Variants in MSH4 observed in about 807,000 individuals in gnomAD.
MSH4 encodes mutS homolog 4, also known as mutS protein homolog 4.
A neutral mutation model predicts 113.7 loss-of-function variants in MSH4; 106 were observed. That is an observed-to-expected ratio of 0.93 (90% CI 0.80 to 1.10). The LOEUF (loss-of-function observed/expected upper bound fraction) is 1.10. Among genes scored for constraint, MSH4 ranks in the 50% least tolerant of loss-of-function variants. The probability of loss-of-function intolerance (pLI) is 0.00; values close to 1 mark genes in which losing one functional copy is unlikely to be tolerated. For missense variants in MSH4, 1,061 were observed against 1,093.7 expected (o/e 0.97, Z 0.42); for synonymous variants, 368 against 380.2 (o/e 0.97, Z 0.37).
At position 75,801,455 on chromosome 1, in the gene MSH4, C is replaced by A. The variant is rs542404164; in HGVS notation, c.245-2276C>A. The stretch of plus-strand genomic sequence containing the variant: ...GTGGTGGGCATGCCTATAATGCCAG[C>A]TGCTTGGGAGGCTGAGGCAGGAGGA... On this transcript the variant is annotated intron_variant, in intron 1 of 19. Transcript: ENST00000263187. Among the ~76,000 whole-genome samples the A allele has an allele frequency of 5.3e-5, 8 of 151,408 alleles. No homozygotes were observed. In the South Asian group the frequency reaches 1.7e-3, roughly 32 times the overall value.
chr1:75,912,668 ATATATAT>A, intron 19 of MSH4, 21 bp from the exon 20 acceptor site: 1 of 1,237,362 alleles, frequency 8.1e-7, no homozygotes, highest in Non-Finnish European at 1.0e-6. Context: ...GTGTATATAT[ATATATAT>A]TTTTTTTTTT....
intron 8 of MSH4, among the ~76,000 whole-genome samples, chr1:75,848,576 A>G (rs1651123355): frequency 6.6e-6 from 1 of 152,156 alleles, no homozygotes; most frequent in African/African-American, 2.4e-5. Context: ...CATCTCTACA[A>G]AGGATCAAAA....
At chr1:75,811,816 G>A (rs912498536) in intron 4 of MSH4, among the ~76,000 whole-genome samples, 3 of 152,162 alleles carry the variant, frequency 2.0e-5, no homozygotes, top group Non-Finnish European at 2.9e-5. Context: ...ACCAAGCTGA[G>A]GTTTGGAGTC....
intron 12 of MSH4, 114 bp downstream of exon 12, chr1:75,879,242 CTCCTAT>C (rs1335708747): frequency 1.1e-6 from 1 of 881,338 alleles, no homozygotes; most frequent in Non-Finnish European, 1.8e-6. Context: ...TCTGTATCTT[CTCCTAT>C]TCCTACCCAC....
intron 14 of MSH4, 57 bp downstream of exon 14, chr1:75,881,427 AAC>A: frequency 6.4e-7 from 1 of 1,552,786 alleles, no homozygotes; most frequent in South Asian, 1.1e-5. Flanking sequence ...ATTCGATTCA[AAC>A]AATTTGATAT....
At position 75,913,092 on chromosome 1, in the gene MSH4, T is replaced by G. The variant is rs1652824130; in HGVS notation, c.*205T>G. The G allele has an allele frequency of 3.7e-6, 1 of 272,524 alleles. No homozygotes were observed. The highest frequency in any genetic ancestry group is 2.2e-5 in the African/African-American group (1 of 45,512). The allele number at this position is 272,524 out of a possible 1,614,324, so 16.9% of individuals were successfully genotyped here. ...ATGAGAACTACTTAAAGGAATGGTTTTTATGTTAGGAGAAAATACAATACA... is the reference window on the plus strand; with the variant it reads ...ATGAGAACTACTTAAAGGAATGGTTGTTATGTTAGGAGAAAATACAATACA... On this transcript the variant is annotated 3_prime_UTR_variant, in exon 20 of 20. Coordinates refer to ENST00000263187, the MANE Select transcript of MSH4 (RefSeq NM_002440.4).
chr1:75,870,707 G>T lies in MSH4; in HGVS notation c.1305+3119G>T, dbSNP rs561645850. The stretch of plus-strand genomic sequence containing the variant: ...ATTGTGAGGCCTCCCCAGCCATGTG[G>T]AATTGTGAGTCAATTAAACCTTTTT... On this transcript the variant is annotated intron_variant, in intron 9 of 19. Transcript: ENST00000263187. 6.8e-4 allele frequency among the ~76,000 whole-genome samples: 103 copies of T among 152,270 alleles called. No individual in the cohort carries two copies. In the East Asian group the frequency reaches 7.3e-3, roughly 11 times the overall value.
At chr1:75,903,595 A>G (rs1190199302) in intron 19 of MSH4, among the ~76,000 whole-genome samples, 1 of 152,038 alleles carries the variant, frequency 6.6e-6, no homozygotes, top group Non-Finnish European at 1.5e-5. Context: ...ATTGTATTGA[A>G]TCTATAGATT....
chr1:75,877,095 A>G (rs1297379894), intron 10 of MSH4, 95 bp downstream of exon 10: 2 of 726,082 alleles, frequency 2.8e-6, no homozygotes, highest in African/African-American at 1.8e-5. Context: ...CTATGGAACA[A>G]TTACTTGAGT....
chr1:75,863,218 T>C (rs1651496942), intron 8 of MSH4, among the ~76,000 whole-genome samples: 1 of 152,176 alleles, frequency 6.6e-6, no homozygotes, highest in South Asian at 2.1e-4. Context: ...TGCTAAAATA[T>C]AATAAGAATT....
Position 75,816,556 on chromosome 1 carries a change from T to A in MSH4, c.989+10T>A, listed in dbSNP as rs1270759235. 4 of 1,475,234 alleles carry A rather than the reference T, an allele frequency of 2.7e-6. No individual in the cohort carries two copies. Among genetic ancestry groups the A allele is most frequent in the Non-Finnish European group, 3.7e-6 (4 of 1,088,808 alleles). 91.4% of individuals were successfully genotyped at this position (1,475,234 alleles called of 1,614,324 possible). On this transcript the variant is annotated intron_variant, in intron 6 of 19. Coordinates refer to ENST00000263187, the MANE Select transcript of MSH4 (RefSeq NM_002440.4). ...ATAATCAAGACTATAGGTAAGATCATCCATTTTATTTGTATAAAATATATC... is the reference window on the plus strand; with the variant it reads ...ATAATCAAGACTATAGGTAAGATCAACCATTTTATTTGTATAAAATATATC...
intron 1 of MSH4, among the ~76,000 whole-genome samples, 189 bp from the exon 2 acceptor site, chr1:75,803,541 TG>T (rs1163073179): frequency 2.0e-5 from 3 of 151,966 alleles, no homozygotes; most frequent in Admixed American, 2.0e-4. Context: ...CACTTGAACT[TG>T]GGAGGTGGAC....
chr1:75,899,764 T>C, intron 19 of MSH4, 58 bp downstream of exon 19: 1 of 836,176 alleles, frequency 1.2e-6, no homozygotes, highest in Non-Finnish European at 1.8e-6. Context: ...TTAGTGTAGA[T>C]TTTTATTATG....
chr1:75,873,220 A>G (rs912123647), intron 9 of MSH4, among the ~76,000 whole-genome samples: 61 of 152,250 alleles, frequency 4.0e-4, no homozygotes, highest in African/African-American at 1.4e-3. Context: ...TCTGGATTGG[A>G]TGATGATTGA....
intron 9 of MSH4, among the ~76,000 whole-genome samples, chr1:75,868,888 C>A (rs7538800): frequency 0.21 from 31,965 of 152,206 alleles, 3,535 homozygotes; most frequent in Middle Eastern, 0.28. Flanking sequence ...ATTTCCCAGT[C>A]TTGGGTATGT....
At chr1:75,871,776 T>C (rs993583116) in intron 9 of MSH4, among the ~76,000 whole-genome samples, 5 of 152,248 alleles carry the variant, frequency 3.3e-5, no homozygotes, top group African/African-American at 1.2e-4. Flanking sequence ...CCAATATTTA[T>C]GTCCAACAAT....
intron 1 of MSH4, among the ~76,000 whole-genome samples, chr1:75,798,610 G>T (rs988225734): frequency 6.0e-5 from 9 of 148,994 alleles, no homozygotes; most frequent in African/African-American, 1.5e-4. Context: ...AGGCTGGAGT[G>T]CAGTGGCATG....
intron 1 of MSH4, among the ~76,000 whole-genome samples, chr1:75,801,694 C>A (rs1175678445): frequency 1.3e-5 from 2 of 150,616 alleles, no homozygotes; most frequent in African/African-American, 4.9e-5. Flanking sequence ...GGCAATGTAG[C>A]AAGACCCTGT....
intron 19 of MSH4, among the ~76,000 whole-genome samples, chr1:75,910,479 G>C (rs1652765720): frequency 1.3e-5 from 2 of 150,628 alleles, no homozygotes; most frequent in Admixed American, 6.6e-5. Context: ...GTGTTGCCCA[G>C]CCTGGTTTTT....
Sources: allele counts gnomAD v4.1 joint callset (sites outside exome capture counted in the v4.1 genomes callset), GRCh38; gene constraint gnomAD v4.1.1; transcripts MANE v1.5; gene names NCBI Gene and HGNC (gene_info 2026-07-23, HGNC 2026-07-21).